Variants in COLEC11 observed in about 807,000 individuals in gnomAD.
COLEC11 encodes collectin-11.
A neutral mutation model predicts 27.3 loss-of-function variants in COLEC11; 20 were observed. That is an observed-to-expected ratio of 0.73 (90% CI 0.51 to 1.06). The LOEUF is 1.06. COLEC11 is among the 50% of genes least tolerant of loss of function. The probability of loss-of-function intolerance (pLI) is 0.00; values close to 1 mark genes in which losing one functional copy is unlikely to be tolerated. For missense variants in COLEC11, 310 were observed against 383.0 expected, an observed-to-expected ratio of 0.81 and a Z score of 1.59; for synonymous variants, 163 against 154.7, an observed-to-expected ratio of 1.05 and a Z score of -0.40.
At chr2:3,633,675 C>T (rs963907986) in intron 3 of COLEC11, among the ~76,000 whole-genome samples, 1 of 152,144 alleles carries the variant, frequency 6.6e-6, no homozygotes, top group African/African-American at 2.4e-5. Flanking sequence ...AAATAAGAAG[C>T]ATAAACATTG....
Position 3,626,023 on chromosome 2 carries a change from C to A in COLEC11, c.203-11510C>A, listed in dbSNP as rs1006602370. 6 of 1,613,582 alleles carry A rather than the reference C, an allele frequency of 3.7e-6. No homozygotes were observed. In the African/African-American group the frequency reaches 6.7e-5, roughly 18 times the overall value. On this transcript the variant is annotated intron_variant, in intron 3 of 6. Coordinates refer to ENST00000349077, the MANE Select transcript of COLEC11 (RefSeq NM_024027.5). ...TATTTACTTTTTCCAGCAGTCACAG[C>A]CAGTCGTGACAGCTTCTGACATCTC...
At chr2:3,637,654 G>A (rs778431266) in intron 4 of COLEC11, 50 bp downstream of exon 4, 2 of 1,374,606 alleles carry the variant, frequency 1.5e-6, no homozygotes, top group South Asian at 2.3e-5. Flanking sequence ...CCTAGGGTCA[G>A]CGTCTGGATA....
At chr2:3,623,974 T>G (rs1408084675) in intron 3 of COLEC11, among the ~76,000 whole-genome samples, 1 of 152,218 alleles carries the variant, frequency 6.6e-6, no homozygotes, top group Non-Finnish European at 1.5e-5. Flanking sequence ...AGAGATTTCT[T>G]TACAAAACAG....
chr2:3,620,510 G>A (rs761427326), intron 3 of COLEC11, among the ~76,000 whole-genome samples: 12 of 151,012 alleles, frequency 7.9e-5, no homozygotes, highest in Non-Finnish European at 7.4e-5. Context: ...TAGTTTTGTC[G>A]CTTTGCTACA....
Position 3,643,591 on chromosome 2 carries a change from C to T in COLEC11, c.424+52C>T, listed in dbSNP as rs761018133. On this transcript the variant is annotated intron_variant, in intron 6 of 6. Transcript: ENST00000349077. ...CTCCCTCCCACCTCCCAGCCCTGTC[C>T]TGAGCCCCCCGGCAAGGGCTCTGCC... 3.3e-5 allele frequency: 53 copies of T among 1,599,526 alleles called. No individual in the cohort carries two copies. In the African/African-American group the frequency reaches 7.0e-4, roughly 21 times the overall value.
At chr2:3,631,091 CATG>C (rs1664961956) in intron 3 of COLEC11, among the ~76,000 whole-genome samples, 1 of 152,068 alleles carries the variant, frequency 6.6e-6, no homozygotes, top group Non-Finnish European at 1.5e-5. Context: ...ATTAGCCAGA[CATG>C]GTGGTGCACG....
chr2:3,604,528 C>CT, intron 2 of COLEC11, 58 bp downstream of exon 2: 1 of 1,582,662 alleles, frequency 6.3e-7, no homozygotes, highest in Non-Finnish European at 8.7e-7. Flanking sequence ...AGCTGAGAGA[C>CT]TCCCATGCAA....
At chr2:3,607,022 C>T (rs955736357) in intron 2 of COLEC11, among the ~76,000 whole-genome samples, 5 of 152,230 alleles carry the variant, frequency 3.3e-5, no homozygotes, top group African/African-American at 1.2e-4. Flanking sequence ...TCCCGCCGTT[C>T]GGCCCCGGAC....
chr2:3,639,742 G>A (rs1383591959), intron 4 of COLEC11, among the ~76,000 whole-genome samples: 1 of 146,916 alleles, frequency 6.8e-6, no homozygotes, highest in Non-Finnish European at 1.5e-5. Context: ...CTGGAGGTTG[G>A]GTCCAGGCCA....
chr2:3,609,535 A>ATTTT (rs61193398), intron 2 of COLEC11, among the ~76,000 whole-genome samples: 212 of 146,866 alleles, frequency 1.4e-3, no homozygotes, highest in Middle Eastern at 6.9e-3. Context: ...ACATCCTGCT[A>ATTTT]TTTTTTTTTT....
At chr2:3,604,530 C>A in intron 2 of COLEC11, 60 bp downstream of exon 2, 1 of 1,569,682 alleles carries the variant, frequency 6.4e-7, no homozygotes, top group Non-Finnish European at 8.7e-7. Context: ...CTGAGAGACT[C>A]CCATGCAACT....
intron 5 of COLEC11, 43 bp from the exon 6 acceptor site, chr2:3,643,401 G>C (rs1461248182): frequency 6.6e-7 from 1 of 1,505,986 alleles, no homozygotes; most frequent in Admixed American, 1.7e-5. Flanking sequence ...CTGAGTCCGA[G>C]TCCTCATCCA....
At chr2:3,622,678 G>T (rs1664266725) in intron 3 of COLEC11, among the ~76,000 whole-genome samples, 1 of 152,094 alleles carries the variant, frequency 6.6e-6, no homozygotes, top group Non-Finnish European at 1.5e-5. Context: ...AAAGCCAGGT[G>T]GCCTCTCTCG....
chr2:3,615,395 C>T (rs1355723575), intron 3 of COLEC11, among the ~76,000 whole-genome samples: 1 of 152,190 alleles, frequency 6.6e-6, no homozygotes, highest in Admixed American at 6.5e-5. Context: ...TCTTGCACCG[C>T]CCTTAATCCA....
At chr2:3,621,951 G>A (rs1393614649) in intron 3 of COLEC11, among the ~76,000 whole-genome samples, 1 of 152,014 alleles carries the variant, frequency 6.6e-6, no homozygotes, top group Admixed American at 6.6e-5. Flanking sequence ...GGCTGAGGCG[G>A]GTGGATCACG....
intron 2 of COLEC11, 41 bp downstream of exon 2, chr2:3,604,511 C>G (rs760403420): frequency 6.2e-7 from 1 of 1,608,692 alleles, no homozygotes; most frequent in African/African-American, 1.3e-5. Context: ...GCAGTGGCCT[C>G]CGGGCCAGCT....
chr2:3,639,361 T>A (rs1339357349), intron 4 of COLEC11, among the ~76,000 whole-genome samples: 1 of 152,198 alleles, frequency 6.6e-6, no homozygotes, highest in East Asian at 1.9e-4. Flanking sequence ...CAGGCTGGCC[T>A]TGTTTGGCTT....
intron 2 of COLEC11, among the ~76,000 whole-genome samples, chr2:3,606,660 G>A (rs1035746990): frequency 2.6e-5 from 4 of 152,230 alleles, no homozygotes; most frequent in African/African-American, 9.6e-5. Context: ...CCCGACCAGG[G>A]AGCAGATCAG....
intron 2 of COLEC11, among the ~76,000 whole-genome samples, chr2:3,608,714 A>G (rs1384009606): frequency 6.6e-6 from 1 of 152,230 alleles, no homozygotes; most frequent in East Asian, 1.9e-4. Context: ...CAAATTGTGA[A>G]CAGTGCTTGA....
Sources: allele counts gnomAD v4.1 joint callset (sites outside exome capture counted in the v4.1 genomes callset), GRCh38; gene constraint gnomAD v4.1.1; transcripts MANE v1.5; gene names NCBI Gene and HGNC (gene_info 2026-07-23, HGNC 2026-07-21).